Variants in ATAD1 observed in about 807,000 individuals in gnomAD.
ATAD1 encodes ATPase family AAA domain containing 1.
In ATAD1, 18 loss-of-function variants were observed where a neutral mutation model predicts 42.7. The observed-to-expected ratio is 0.42, with a 90% CI of 0.29 to 0.63. ATAD1 has a LOEUF of 0.63. Ranked by LOEUF, ATAD1 falls within the 20% of genes least tolerant of loss-of-function variation. The pLI, the probability that ATAD1 is intolerant of heterozygous loss-of-function variation, is 0.19. For missense variants in ATAD1, 294 were observed against 440.4 expected, an observed-to-expected ratio of 0.67 and a Z score of 2.98; for synonymous variants, 132 against 143.1, an observed-to-expected ratio of 0.92 and a Z score of 0.55.
rs769112951 is a variant in ATAD1, at chr10:87,771,051, T to C, written c.691-10A>G. On this transcript the variant is annotated splice_polypyrimidine_tract_variant and intron_variant, in intron 6 of 9. Transcript: ENST00000680024. ...CTCCCATTACTATGACCTAAGTGTATAAAGAAGACAGAAGGTATTAAATCT... is the reference window on the plus strand; with the variant it reads ...CTCCCATTACTATGACCTAAGTGTACAAAGAAGACAGAAGGTATTAAATCT... The C allele has an allele frequency of 1.1e-5, 18 of 1,602,818 alleles. No homozygotes were observed. The highest frequency in any genetic ancestry group is 8.0e-5 in the African/African-American group (6 of 74,684).
chr10:87,771,236 G>A (rs1227549966), intron 6 of ATAD1, among the ~76,000 whole-genome samples, 195 bp from the exon 7 acceptor site: 1 of 152,034 alleles, frequency 6.6e-6, no homozygotes, highest in East Asian at 1.9e-4. Context: ...TCAAATATTA[G>A]CAAAACTGGA....
At chr10:87,786,204 C>T (rs890852682) in intron 4 of ATAD1, among the ~76,000 whole-genome samples, 19 of 152,162 alleles carry the variant, frequency 1.2e-4, no homozygotes, top group African/African-American at 4.3e-4. Context: ...AACTTTTATA[C>T]ACATGTTACT....
At chr10:87,758,973 G>A (rs1833044104) in intron 8 of ATAD1, among the ~76,000 whole-genome samples, 3 of 152,070 alleles carry the variant, frequency 2.0e-5, no homozygotes, top group Admixed American at 2.0e-4. Flanking sequence ...ATATAATTTA[G>A]ATCTTAGTCC....
rs35200026 is a variant in ATAD1 at position 87,775,420 on chromosome 10, CAAAAAAAA to C, written c.690+893_690+900del. Among the ~76,000 whole-genome samples, 11 of 24,056 alleles carry C rather than the reference CAAAAAAAA, an allele frequency of 4.6e-4. 1 individual carries two copies. The highest frequency in any genetic ancestry group is 1.3e-3 in the African/African-American group (10 of 7,924). The allele number at this position is 24,056 out of a possible 152,430, so 15.8% of individuals were successfully genotyped here. A position where few individuals can be genotyped will look rare whatever the true frequency, so the allele number is the denominator to read the frequency against. On this transcript the variant is annotated intron_variant, in intron 6 of 9. Transcript: ENST00000680024. Reference sequence around the variant, plus strand: ...TGGGCGACAGAGCAAGACTCCATCTCAAAAAAAAAAAAAAAAAAAAAGAGAAAATACTA... The same window carrying C: ...TGGGCGACAGAGCAAGACTCCATCTCAAAAAAAAAAAAAGAGAAAATACTA...
chr10:87,819,169 GT>G (rs1447066024), upstream of ATAD1: 1 of 138,908 alleles, frequency 7.2e-6, no homozygotes, highest in Non-Finnish European at 1.5e-5. Context: ...GCTTACGCCT[GT>G]AATCCCAACA....
intron 8 of ATAD1, among the ~76,000 whole-genome samples, chr10:87,762,834 G>A (rs1273022936): frequency 6.7e-6 from 1 of 149,954 alleles, no homozygotes; most frequent in Non-Finnish European, 1.5e-5. Flanking sequence ...ACTTTAGGAG[G>A]CTGAGGCGGG....
intron 8 of ATAD1, among the ~76,000 whole-genome samples, chr10:87,760,004 A>C (rs1854407122): frequency 6.6e-6 from 1 of 152,208 alleles, no homozygotes; most frequent in African/African-American, 2.4e-5. Flanking sequence ...GAGTATAGGC[A>C]GCAACAGCAG....
At chr10:87,773,781 T>C (rs1436834873) in intron 6 of ATAD1, among the ~76,000 whole-genome samples, 1 of 152,100 alleles carries the variant, frequency 6.6e-6, no homozygotes, top group Non-Finnish European at 1.5e-5. Context: ...CTGCTGAAAA[T>C]AGTTGAACAC....
In ATAD1 at chr10:87,753,907, C is replaced by A. The variant is rs1854111788; in HGVS notation, c.*780G>T. On this transcript the variant is annotated 3_prime_UTR_variant, in exon 10 of 10. Transcript: ENST00000680024. ...GCCTTTTAATCCACTTTCATGTAAA[C>A]CAATTTAAATTTAAAAAGTTTATAC... The A allele has an allele frequency of 6.6e-6, 1 of 152,366 alleles. No homozygotes were observed. Among genetic ancestry groups the A allele is most frequent in the Admixed American group, 6.6e-5 (1 of 15,242 alleles). 9.4% of individuals were successfully genotyped at this position (152,366 alleles called of 1,614,324 possible). A position where few individuals can be genotyped will look rare whatever the true frequency, so the allele number is the denominator to read the frequency against.
intron 1 of ATAD1, among the ~76,000 whole-genome samples, chr10:87,830,227 G>A (rs540712562): frequency 1.3e-5 from 2 of 152,304 alleles, no homozygotes; most frequent in Admixed American, 1.3e-4. Flanking sequence ...AGCTGTGAAA[G>A]GAAGTGTGGT....
At chr10:87,778,821 A>G (rs1444916966) in intron 5 of ATAD1, among the ~76,000 whole-genome samples, 1 of 152,158 alleles carries the variant, frequency 6.6e-6, no homozygotes, top group African/African-American at 2.4e-5. Flanking sequence ...TTGGACATTC[A>G]TCGGCAAAAA....
intron 8 of ATAD1, 21 bp from the exon 9 acceptor site, chr10:87,756,943 T>C: frequency 1.3e-6 from 2 of 1,564,218 alleles, no homozygotes; most frequent in Non-Finnish European, 1.7e-6. Flanking sequence ...TATAAAAACA[T>C]GCTTAAAAAA....
intron 8 of ATAD1, among the ~76,000 whole-genome samples, chr10:87,761,362 C>T (rs1278545200): frequency 6.6e-6 from 1 of 152,124 alleles, no homozygotes; most frequent in Non-Finnish European, 1.5e-5. Flanking sequence ...AACAGAATTG[C>T]TAAAAATTCC....
Position 87,756,812 on chromosome 10 carries a change from A to G in ATAD1, c.942T>C (p.Tyr314=). 8 of 1,606,092 alleles carry G rather than the reference A, an allele frequency of 5.0e-6. No individual in the cohort carries two copies. Among genetic ancestry groups the G allele is most frequent in the Non-Finnish European group, 6.8e-6 (8 of 1,176,864 alleles). Residue 314 remains tyrosine, a synonymous_variant, in exon 9 of 10, where the codon TAT becomes TAC. Transcript: ENST00000680024. The part of the protein sequence containing the change: ...RDAALLCVRE[Y]VNSTSEESHD... ...ACCTTTCTTCTGATGTAGAATTAAC[A>G]TATTCTCTAACACAGAGGAGGGCAG... is the stretch of plus-strand genomic sequence containing the variant.
chr10:87,786,944 G>T (rs1589508575), intron 4 of ATAD1, among the ~76,000 whole-genome samples: 2 of 151,138 alleles, frequency 1.3e-5, no homozygotes, highest in East Asian at 1.9e-4. Context: ...AACAGGGCGA[G>T]ACTCCGTCTC....
chr10:87,796,119 C>T (rs144521234), intron 2 of ATAD1, among the ~76,000 whole-genome samples: 1,943 of 152,234 alleles, frequency 0.013, 35 homozygotes, highest in Middle Eastern at 0.078. Flanking sequence ...TCTGGAAAAA[C>T]ATCTTCTACA....
chr10:87,776,174 A>G, intron 6 of ATAD1, 147 bp downstream of exon 6: 1 of 611,534 alleles, frequency 1.6e-6, no homozygotes. Context: ...TATACAAACC[A>G]TATTCTTTTG....
chr10:87,760,856 A>C (rs1854450288), intron 8 of ATAD1, among the ~76,000 whole-genome samples: 1 of 152,228 alleles, frequency 6.6e-6, no homozygotes, highest in Non-Finnish European at 1.5e-5. Context: ...GTCAGACGAA[A>C]TACTTTTATA....
chr10:87,782,923 G>A (rs1409559772), intron 5 of ATAD1, among the ~76,000 whole-genome samples: 1 of 151,962 alleles, frequency 6.6e-6, no homozygotes, highest in African/African-American at 2.4e-5. Flanking sequence ...GCTTGAGCCG[G>A]GGAGGTCAAG....
Sources: allele counts gnomAD v4.1 joint callset (sites outside exome capture counted in the v4.1 genomes callset), GRCh38; gene constraint gnomAD v4.1.1; transcripts MANE v1.5; gene names NCBI Gene and HGNC (gene_info 2026-07-23, HGNC 2026-07-21).